The following PDE5A variants were observed in gnomAD, a reference collection of about 807,000 sequenced individuals.
The protein encoded by PDE5A is phosphodiesterase 5A.
PDE5A carries 67 observed loss-of-function variants against 110.2 expected under a neutral mutation model. The observed-to-expected ratio is 0.61, with a 90% CI of 0.50 to 0.75. PDE5A has a LOEUF of 0.75. Among genes scored for constraint, PDE5A ranks in the 30% least tolerant of loss-of-function variants. The pLI is 0.00. For synonymous variants in PDE5A, 328 were observed against 351.2 expected, an observed-to-expected ratio of 0.93 and a Z score of 0.74; for missense variants, 862 against 1,045.1, an observed-to-expected ratio of 0.82 and a Z score of 2.42.
intron 14 of PDE5A, among the ~76,000 whole-genome samples, chr4:119,514,480 CTTT>C (rs34847681): frequency 2.5e-4 from 37 of 146,290 alleles, no homozygotes; most frequent in Non-Finnish European, 2.3e-4. Context: ...CCCAATCAAC[CTTT>C]TTTTTTTTTT....
At chr4:119,556,867 G>C (rs1727559905) in intron 7 of PDE5A, among the ~76,000 whole-genome samples, 1 of 152,136 alleles carries the variant, frequency 6.6e-6, no homozygotes, top group Admixed American at 6.5e-5. Context: ...AGATTGTCAA[G>C]AATAAAATGA....
At chr4:119,538,346 C>T (rs1726802563) in intron 11 of PDE5A, among the ~76,000 whole-genome samples, 2 of 152,122 alleles carry the variant, frequency 1.3e-5, no homozygotes, top group Admixed American at 6.5e-5. Context: ...CCTATGTCAT[C>T]GCAAATACAT....
At chr4:119,528,754 T>C (rs1726419092) in intron 11 of PDE5A, 1 of 152,190 alleles carries the variant, frequency 6.6e-6, no homozygotes, top group African/African-American at 2.4e-5. Context: ...CAAGCACCTC[T>C]TACTGCCTCC....
At chr4:119,601,502 G>A (rs1476571534) in intron 2 of PDE5A, among the ~76,000 whole-genome samples, 1 of 151,002 alleles carries the variant, frequency 6.6e-6, no homozygotes, top group African/African-American at 2.4e-5. Context: ...GGCTGCTCCT[G>A]AGTTGTATGT....
chr4:119,539,087 G>T, intron 10 of PDE5A, 68 bp from the exon 11 acceptor site: 2 of 1,175,700 alleles, frequency 1.7e-6, no homozygotes, highest in Non-Finnish European at 2.6e-6. Flanking sequence ...AGAACTTCAA[G>T]CTTGGAATTC....
chr4:119,557,450 A>G (rs1011538842), intron 7 of PDE5A, among the ~76,000 whole-genome samples: 2 of 152,122 alleles, frequency 1.3e-5, no homozygotes, highest in African/African-American at 4.8e-5. Context: ...TTTTTGTACA[A>G]TGTGTATCAA....
intron 20 of PDE5A, chr4:119,500,262 GTTTTTTTT>G (rs34580725): frequency 1.4e-5 from 2 of 140,120 alleles, no homozygotes; most frequent in Non-Finnish European, 3.1e-5. Flanking sequence ...ATGACACCTA[GTTTTTTTT>G]TTTTTTTTTC....
At chr4:119,533,436 A>G (rs1188651162) in intron 11 of PDE5A, among the ~76,000 whole-genome samples, 1 of 152,184 alleles carries the variant, frequency 6.6e-6, no homozygotes, top group Non-Finnish European at 1.5e-5. Flanking sequence ...TTTTTAAAGA[A>G]GAAACCACAC....
intron 1 of PDE5A, among the ~76,000 whole-genome samples, chr4:119,620,059 T>A (rs1380616914): frequency 2.0e-5 from 3 of 152,196 alleles, no homozygotes; most frequent in Admixed American, 2.0e-4. Context: ...AGTTCAGGGA[T>A]GTTAAATGTC....
rs1725035429 is a variant in PDE5A, at chr4:119,495,706, CA to C, written c.*2894del. The C allele has an allele frequency of 6.6e-6, 1 of 152,402 alleles. No individual in the cohort carries two copies. The highest frequency in any genetic ancestry group is 2.1e-4 in the South Asian group (1 of 4,828). The allele number at this position is 152,402 out of a possible 1,614,324, so 9.4% of individuals were successfully genotyped here. A position where few individuals can be genotyped will look rare whatever the true frequency, so the allele number is the denominator to read the frequency against. On this transcript the variant is annotated 3_prime_UTR_variant, in exon 21 of 21. Transcript: ENST00000354960. ...GAAACTATTATTCAAAATTAAGAGA[CA>C]GTGGTGACAACATCATCATCCTGGG...
At chr4:119,535,149 G>A (rs962443334) in intron 11 of PDE5A, among the ~76,000 whole-genome samples, 2 of 152,090 alleles carry the variant, frequency 1.3e-5, no homozygotes, top group East Asian at 1.9e-4. Context: ...AGCAGGCTAG[G>A]GGACCAGGTA....
Position 119,495,389 on chromosome 4 carries a change from A to C in PDE5A, c.*3212T>G, listed in dbSNP as rs1340461171. On this transcript the variant is annotated 3_prime_UTR_variant, in exon 21 of 21. Coordinates refer to ENST00000354960, the MANE Select transcript of PDE5A (RefSeq NM_001083.4). Reference sequence around the variant, plus strand: ...CACCTTATTTTGACTACAGTTGTTCATAAGAGAGGATAACGATGACATTTT... The same window carrying C: ...CACCTTATTTTGACTACAGTTGTTCCTAAGAGAGGATAACGATGACATTTT... 1.3e-5 allele frequency: 2 copies of C among 152,234 alleles called. No homozygotes were observed. Among genetic ancestry groups the C allele is most frequent in the East Asian group, 3.9e-4 (2 of 5,178 alleles). 9.4% of individuals were successfully genotyped at this position (152,234 alleles called of 1,614,324 possible).
In PDE5A at chr4:119,507,597, A is replaced by C; in HGVS notation, c.2189+7T>G. ...ACCTATTTCTCAGGTTATTTCTTAA[A>C]ACTTACTTAATGTACAGTGCTAGGT... On this transcript the variant is annotated splice_region_variant and intron_variant, in intron 16 of 20. Transcript: ENST00000354960. 1 of 1,516,828 alleles carries C rather than the reference A, an allele frequency of 6.6e-7. No homozygotes were observed. 94.0% of individuals were successfully genotyped at this position (1,516,828 alleles called of 1,614,324 possible). A position where few individuals can be genotyped will look rare whatever the true frequency, so the allele number is the denominator to read the frequency against.
At chr4:119,537,501 T>C (rs763415672) in intron 11 of PDE5A, among the ~76,000 whole-genome samples, 1 of 152,112 alleles carries the variant, frequency 6.6e-6, no homozygotes, top group Non-Finnish European at 1.5e-5. Flanking sequence ...ATCCTAAATC[T>C]TCCTCCTTGT....
chr4:119,500,551 C>T (rs551073794), intron 20 of PDE5A, among the ~76,000 whole-genome samples: 32 of 152,104 alleles, frequency 2.1e-4, no homozygotes, highest in African/African-American at 7.7e-4. Flanking sequence ...GACAAATGTT[C>T]TTTTTCCAAA....
rs1301635967 is a variant in PDE5A, at chr4:119,542,450, T to G, written c.1572+9A>C. The G allele has an allele frequency of 3.7e-6, 6 of 1,612,688 alleles. No homozygotes were observed. The highest frequency in any genetic ancestry group is 5.1e-6 in the Non-Finnish European group (6 of 1,179,110). On this transcript the variant is annotated intron_variant, in intron 10 of 20. Coordinates refer to ENST00000354960, the MANE Select transcript of PDE5A (RefSeq NM_001083.4). ...TGTACAGTGTGAGAGGTCCCTAAAC[T>G]TCACCCACCTCCAATGTGACCATTT...
intron 2 of PDE5A, among the ~76,000 whole-genome samples, chr4:119,603,652 T>G (rs1046473089): frequency 2.6e-5 from 4 of 152,226 alleles, no homozygotes; most frequent in African/African-American, 9.6e-5. Flanking sequence ...TATATCATTT[T>G]CTGTTACAAA....
intron 11 of PDE5A, among the ~76,000 whole-genome samples, chr4:119,532,846 T>G (rs1726593685): frequency 6.6e-6 from 1 of 152,096 alleles, no homozygotes; most frequent in Non-Finnish European, 1.5e-5. Flanking sequence ...TTGTGTAATC[T>G]TTGTACAAAA....
chr4:119,573,889 G>A (rs1047488108), intron 3 of PDE5A, among the ~76,000 whole-genome samples: 1 of 151,944 alleles, frequency 6.6e-6, no homozygotes, highest in African/African-American at 2.4e-5. Context: ...TCTCCTCCTC[G>A]CTAAAACCAG....
Sources: allele counts gnomAD v4.1 joint callset (sites outside exome capture counted in the v4.1 genomes callset), GRCh38; gene constraint gnomAD v4.1.1; transcripts MANE v1.5; gene names NCBI Gene and HGNC (gene_info 2026-07-23, HGNC 2026-07-21).